ANKS1B: variants seen among roughly 807,000 people sequenced by gnomAD.
ANKS1B encodes the protein ankyrin repeat and sterile alpha motif domain containing 1B.
ANKS1B carries 36 observed loss-of-function variants against 148.3 expected under a neutral mutation model. The ratio of observed to expected loss-of-function variants is 0.24; its 90% CI spans 0.19 to 0.32. ANKS1B has a LOEUF of 0.32. Among genes scored for constraint, ANKS1B ranks in the 10% least tolerant of loss-of-function variants. The probability of loss-of-function intolerance (pLI) is 1.00; values close to 1 mark genes in which losing one functional copy is unlikely to be tolerated. For missense variants in ANKS1B, 1,157 were observed against 1,542.6 expected, an observed-to-expected ratio of 0.75 and a Z score of 4.19; for synonymous variants, 542 against 560.8, an observed-to-expected ratio of 0.97 and a Z score of 0.47.
chr12:99,446,514 T>C (rs1451174068), intron 10 of ANKS1B, among the ~76,000 whole-genome samples: 1 of 152,076 alleles, frequency 6.6e-6, no homozygotes, highest in Non-Finnish European at 1.5e-5. Flanking sequence ...ATCCCTATTT[T>C]ACAGAGAAAC....
chr12:99,078,019 T>TG (rs1370978937), intron 16 of ANKS1B, among the ~76,000 whole-genome samples: 4 of 152,168 alleles, frequency 2.6e-5, no homozygotes, highest in African/African-American at 9.7e-5. Context: ...CACAGTTTTT[T>TG]TGGGGGGTGA....
chr12:99,772,552 T>C (rs542765461), intron 8 of ANKS1B, among the ~76,000 whole-genome samples: 1 of 152,202 alleles, frequency 6.6e-6, no homozygotes, highest in South Asian at 2.1e-4. Flanking sequence ...GCTCTGTTAG[T>C]CTGAGTTCAT....
At chr12:98,756,801 C>CACT (rs2098258244) in intron 25 of ANKS1B, among the ~76,000 whole-genome samples, 1 of 148,756 alleles carries the variant, frequency 6.7e-6, no homozygotes, top group African/African-American at 2.5e-5. Flanking sequence ...GATCTTGGCT[C>CACT]ACTGCAACCT....
intron 16 of ANKS1B, among the ~76,000 whole-genome samples, chr12:99,065,378 G>A (rs1464882399): frequency 6.6e-6 from 1 of 152,122 alleles, no homozygotes; most frequent in African/African-American, 2.4e-5. Context: ...CTTTCTCAGA[G>A]CCTCCAGGCA....
chr12:99,115,427 A>G (rs1267181977), intron 15 of ANKS1B, among the ~76,000 whole-genome samples: 1 of 152,186 alleles, frequency 6.6e-6, no homozygotes, highest in Non-Finnish European at 1.5e-5. Flanking sequence ...ATGAGAACTC[A>G]TGAACACAAA....
intron 16 of ANKS1B, among the ~76,000 whole-genome samples, chr12:99,065,638 C>CCATCCATCCCATCCAT (rs1379959845): frequency 2.4e-5 from 1 of 41,894 alleles, no homozygotes; most frequent in Non-Finnish European, 8.0e-5. Flanking sequence ...ATCCATCCAT[C>CCATCCATCCCATCCAT]CCATCCATCC....
intron 9 of ANKS1B, among the ~76,000 whole-genome samples, chr12:99,520,127 A>AT (rs1217250754): frequency 6.6e-6 from 1 of 152,138 alleles, no homozygotes; most frequent in Non-Finnish European, 1.5e-5. Context: ...GTGCTATAAT[A>AT]TTCTCTGTTT....
intron 1 of ANKS1B, among the ~76,000 whole-genome samples, chr12:99,870,507 C>G (rs1468608238): frequency 6.6e-6 from 1 of 151,834 alleles, no homozygotes; most frequent in Non-Finnish European, 1.5e-5. Context: ...GAGAAATATC[C>G]CACCTCCACA....
intron 12 of ANKS1B, among the ~76,000 whole-genome samples, chr12:99,279,563 C>T (rs2078119908): frequency 6.6e-6 from 1 of 152,090 alleles, no homozygotes; most frequent in Non-Finnish European, 1.5e-5. Flanking sequence ...AGCATGCAAT[C>T]TGTGGGGTGG....
intron 17 of ANKS1B, chr12:98,894,922 G>T (rs2099761345): frequency 1.1e-6 from 1 of 916,786 alleles, no homozygotes; most frequent in Non-Finnish European, 1.3e-6. Context: ...CGCGGCGCGT[G>T]CCCCCCACCC....
intron 17 of ANKS1B, among the ~76,000 whole-genome samples, chr12:98,871,880 T>G (rs1278726316): frequency 6.6e-6 from 1 of 152,178 alleles, no homozygotes; most frequent in Non-Finnish European, 1.5e-5. Context: ...CTGAAAAAGC[T>G]TGTACACTGT....
chr12:98,939,047 G>A (rs1026116861), intron 17 of ANKS1B, among the ~76,000 whole-genome samples: 4 of 152,192 alleles, frequency 2.6e-5, no homozygotes, highest in African/African-American at 9.6e-5. Context: ...TTTTCACCTT[G>A]AGACTGTTAC....
At chr12:99,554,638 G>A (rs979797320) in intron 9 of ANKS1B, among the ~76,000 whole-genome samples, 5 of 152,294 alleles carry the variant, frequency 3.3e-5, no homozygotes, top group African/African-American at 1.2e-4. Context: ...AAGAAGCTCA[G>A]AACTTTAAAG....
chr12:98,824,139 TA>T (rs1432580010), intron 19 of ANKS1B, among the ~76,000 whole-genome samples: 1 of 152,264 alleles, frequency 6.6e-6, no homozygotes. Context: ...TACCATATGA[TA>T]TTTTTTGTTA....
At chr12:99,476,449 G>A (rs2096323471) in intron 10 of ANKS1B, among the ~76,000 whole-genome samples, 1 of 152,042 alleles carries the variant, frequency 6.6e-6, no homozygotes, top group Non-Finnish European at 1.5e-5. Flanking sequence ...TCAGAAAAAT[G>A]ACAAATTGAG....
At chr12:99,127,649 C>T (rs916463191) in intron 15 of ANKS1B, among the ~76,000 whole-genome samples, 1 of 152,212 alleles carries the variant, frequency 6.6e-6, no homozygotes, top group Non-Finnish European at 1.5e-5. Flanking sequence ...GCCTTAGAAA[C>T]TTGGCTGCAC....
intron 12 of ANKS1B, among the ~76,000 whole-genome samples, chr12:99,328,702 A>G (rs1163777614): frequency 1.3e-5 from 2 of 152,040 alleles, no homozygotes; most frequent in Admixed American, 6.6e-5. Flanking sequence ...AAAATTTATC[A>G]TGTCTGGTAT....
chr12:99,530,105 G>A (rs953045809), intron 9 of ANKS1B, among the ~76,000 whole-genome samples: 3 of 152,200 alleles, frequency 2.0e-5, no homozygotes, highest in African/African-American at 7.2e-5. Context: ...CGTACAATAT[G>A]TAAATAGAAA....
At chr12:99,080,785 T>C (rs995838933) in intron 16 of ANKS1B, among the ~76,000 whole-genome samples, 1 of 152,188 alleles carries the variant, frequency 6.6e-6, no homozygotes, top group Non-Finnish European at 1.5e-5. Context: ...AATCAGGTAA[T>C]ATCCCTGTGT....
Sources: allele counts gnomAD v4.1 joint callset (sites outside exome capture counted in the v4.1 genomes callset), GRCh38; gene constraint gnomAD v4.1.1; transcripts MANE v1.5; gene names NCBI Gene and HGNC (gene_info 2026-07-23, HGNC 2026-07-21).